TENM2: variants seen among roughly 807,000 people sequenced by gnomAD.
The protein encoded by TENM2 is teneurin transmembrane protein 2.
A neutral mutation model predicts 245.2 loss-of-function variants in TENM2; 52 were observed. The observed-to-expected ratio is 0.21, with a 90% CI of 0.17 to 0.27. The LOEUF is 0.27. Ranked by LOEUF, TENM2 falls within the 10% of genes least tolerant of loss-of-function variation. TENM2 has a pLI of 1.00. For synonymous variants in TENM2, 1,363 were observed against 1,438.9 expected, an observed-to-expected ratio of 0.95 and a Z score of 1.19; for missense variants, 3,046 against 3,666.8, an observed-to-expected ratio of 0.83 and a Z score of 4.37.
At chr5:167,797,686 G>A (rs1235868139) in intron 2 of TENM2, among the ~76,000 whole-genome samples, 2 of 152,180 alleles carry the variant, frequency 1.3e-5, no homozygotes, top group African/African-American at 4.8e-5. Flanking sequence ...TTACAGATCT[G>A]AAGGTTGAGA....
chr5:167,800,605 A>G (rs549902186), intron 2 of TENM2, among the ~76,000 whole-genome samples: 3 of 152,184 alleles, frequency 2.0e-5, no homozygotes, highest in African/African-American at 7.2e-5. Context: ...TTAGTTTTCA[A>G]GTCTTGCAGC....
intron 2 of TENM2, among the ~76,000 whole-genome samples, chr5:167,687,436 G>C (rs985435800): frequency 6.6e-6 from 1 of 152,178 alleles, no homozygotes; most frequent in African/African-American, 2.4e-5. Flanking sequence ...GAAGCATTGG[G>C]AGAGGGAACA....
chr5:167,844,441 T>G (rs1360019010), intron 2 of TENM2, among the ~76,000 whole-genome samples: 1 of 152,236 alleles, frequency 6.6e-6, no homozygotes, highest in Non-Finnish European at 1.5e-5. Flanking sequence ...TCTTGTTAAT[T>G]TGCTGCAGGA....
intron 2 of TENM2, among the ~76,000 whole-genome samples, chr5:167,492,830 A>G (rs1223602144): frequency 6.6e-6 from 1 of 152,020 alleles, no homozygotes; most frequent in East Asian, 1.9e-4. Flanking sequence ...AATGTTCAGG[A>G]AGGCAGATTT....
At chr5:167,774,905 G>A (rs1763659381) in intron 2 of TENM2, among the ~76,000 whole-genome samples, 1 of 152,162 alleles carries the variant, frequency 6.6e-6, no homozygotes, top group Admixed American at 6.5e-5. Context: ...AAGACAGTGA[G>A]TGTTGCCCAA....
chr5:167,322,702 G>A (rs1179535504), intron 1 of TENM2, among the ~76,000 whole-genome samples: 1 of 152,012 alleles, frequency 6.6e-6, no homozygotes, highest in African/African-American at 2.4e-5. Flanking sequence ...ATTAAAGCTG[G>A]AATTTTCCTT....
the TENM2 span, among the ~76,000 whole-genome samples, chr5:167,096,115 T>C: frequency 2.0e-5 from 3 of 152,208 alleles, no homozygotes; most frequent in African/African-American, 7.2e-5. Flanking sequence ...GTGTGTTTCA[T>C]TTTATTTAAT....
chr5:167,276,579 A>G, the TENM2 span, among the ~76,000 whole-genome samples: 1 of 151,986 alleles, frequency 6.6e-6, no homozygotes, highest in Non-Finnish European at 1.5e-5. Flanking sequence ...TTGTAGTACA[A>G]TTACCTCTCA....
chr5:167,147,684 C>T, the TENM2 span, among the ~76,000 whole-genome samples: 2 of 152,006 alleles, frequency 1.3e-5, no homozygotes, highest in Admixed American at 6.6e-5. Context: ...AGGAAACACC[C>T]GTAAGTTTCT....
intron 2 of TENM2, among the ~76,000 whole-genome samples, chr5:167,786,690 T>C (rs1276042711): frequency 2.6e-5 from 4 of 152,152 alleles, no homozygotes; most frequent in African/African-American, 9.7e-5. Flanking sequence ...AAAAAGGGGA[T>C]GGGAATCAGG....
At chr5:167,476,217 G>A (rs1312020576) in intron 2 of TENM2, among the ~76,000 whole-genome samples, 1 of 152,112 alleles carries the variant, frequency 6.6e-6, no homozygotes, top group African/African-American at 2.4e-5. Context: ...TCCATTAGTG[G>A]TAGTTTCTTA....
intron 1 of TENM2, among the ~76,000 whole-genome samples, chr5:167,372,140 A>G (rs896394936): frequency 3.3e-5 from 5 of 152,274 alleles, no homozygotes; most frequent in East Asian, 1.9e-4. Flanking sequence ...CTATATACCA[A>G]TGTAAACATA....
intron 2 of TENM2, among the ~76,000 whole-genome samples, chr5:167,639,996 G>C (rs189283803): frequency 6.6e-6 from 1 of 152,308 alleles, no homozygotes; most frequent in African/African-American, 2.4e-5. Context: ...GACACAGCCT[G>C]ATAGTGCAGT....
At chr5:167,672,301 A>G (rs1393439801) in intron 2 of TENM2, among the ~76,000 whole-genome samples, 1 of 152,120 alleles carries the variant, frequency 6.6e-6, no homozygotes, top group Non-Finnish European at 1.5e-5. Context: ...ATATACACAC[A>G]TATATATACC....
Position 167,579,825 on chromosome 5 carries a change from A to G in TENM2, c.502+204352A>G, listed in dbSNP as rs148730232. 2.0e-5 allele frequency among the ~76,000 whole-genome samples: 3 copies of G among 152,318 alleles called. No homozygotes were observed. In the East Asian group the frequency reaches 5.8e-4, roughly 29 times the overall value. On this transcript the variant is annotated intron_variant, in intron 2 of 28. Transcript: ENST00000518659. ...GCATTAGATTGTGGTGAGTTTCTTC[A>G]GTCATATTACATCATGCATCACGAT...
chr5:167,085,098 T>C, the TENM2 span, among the ~76,000 whole-genome samples: 10 of 152,056 alleles, frequency 6.6e-5, no homozygotes, highest in African/African-American at 2.4e-4. Flanking sequence ...CAAGAGACAA[T>C]GTAAAGGCAA....
intron 3 of TENM2, among the ~76,000 whole-genome samples, chr5:167,904,293 G>T (rs1488038154): frequency 6.6e-6 from 1 of 152,096 alleles, no homozygotes; most frequent in Non-Finnish European, 1.5e-5. Context: ...ATCCCCACCT[G>T]CCACCCCACA....
chr5:167,694,991 C>A (rs1418431364), intron 2 of TENM2, among the ~76,000 whole-genome samples: 1 of 152,206 alleles, frequency 6.6e-6, no homozygotes, highest in African/African-American at 2.4e-5. Flanking sequence ...TGTATATTCT[C>A]AGACAACATT....
At chr5:167,496,890 A>T (rs1425871428) in intron 2 of TENM2, among the ~76,000 whole-genome samples, 2 of 152,172 alleles carry the variant, frequency 1.3e-5, no homozygotes, top group African/African-American at 2.4e-5. Context: ...AAATAAGCAC[A>T]TAAGCACATC....
Sources: allele counts gnomAD v4.1 joint callset (sites outside exome capture counted in the v4.1 genomes callset), GRCh38; gene constraint gnomAD v4.1.1; transcripts MANE v1.5; gene names NCBI Gene and HGNC (gene_info 2026-07-23, HGNC 2026-07-21).